Variants in DYM observed in about 807,000 individuals in gnomAD.
DYM encodes dyggve-Melchior-Clausen syndrome protein.
DYM carries 78 observed loss-of-function variants against 93.1 expected under a neutral mutation model. The ratio of observed to expected loss-of-function variants is 0.84; its 90% CI spans 0.70 to 1.01. DYM has a LOEUF of 1.01. DYM is among the 50% of genes least tolerant of loss of function. DYM has a pLI of 0.00. For missense variants in DYM, 789 were observed against 845.0 expected (o/e 0.93, Z 0.82); for synonymous variants, 321 against 319.7 (o/e 1.00, Z -0.04).
At chr18:49,457,575 G>C (rs544236034) in intron 1 of DYM, among the ~76,000 whole-genome samples, 2 of 152,226 alleles carry the variant, frequency 1.3e-5, no homozygotes, top group Non-Finnish European at 2.9e-5. Flanking sequence ...CTAAGTAAAA[G>C]ACGGCCCTCT....
intron 17 of DYM, among the ~76,000 whole-genome samples, chr18:49,082,989 A>G (rs954147961): frequency 2.0e-5 from 3 of 152,138 alleles, no homozygotes; most frequent in African/African-American, 7.2e-5. Flanking sequence ...GAGAATTTTT[A>G]TCATGAACAG....
At chr18:49,315,196 C>T (rs183058039) in intron 8 of DYM, among the ~76,000 whole-genome samples, 1 of 146,160 alleles carries the variant, frequency 6.8e-6, no homozygotes, top group Admixed American at 7.0e-5. Context: ...GCCTGGGTGA[C>T]AGAGCAAGAC....
At chr18:49,158,687 C>T (rs545494491) in intron 15 of DYM, among the ~76,000 whole-genome samples, 1 of 152,040 alleles carries the variant, frequency 6.6e-6, no homozygotes, top group Admixed American at 6.6e-5. Flanking sequence ...TAAGTAAGAA[C>T]GTGTGATGTT....
At chr18:49,383,621 C>T (rs528063553) in intron 3 of DYM, among the ~76,000 whole-genome samples, 1 of 152,210 alleles carries the variant, frequency 6.6e-6, no homozygotes, top group African/African-American at 2.4e-5. Context: ...GCAAACAATG[C>T]AGCTTCATGG....
intron 15 of DYM, among the ~76,000 whole-genome samples, chr18:49,144,431 T>C (rs1431822949): frequency 1.3e-5 from 2 of 152,222 alleles, no homozygotes; most frequent in Admixed American, 6.5e-5. Context: ...AATCTACTAA[T>C]TAGGGTTTGC....
chr18:49,415,266 G>A (rs1463084651), intron 2 of DYM, among the ~76,000 whole-genome samples: 12 of 139,926 alleles, frequency 8.6e-5, no homozygotes, highest in African/African-American at 3.0e-4. Flanking sequence ...GTTGCAGTAA[G>A]CTGAGATCAC....
chr18:49,065,593 C>G (rs2144740501), intron 17 of DYM, among the ~76,000 whole-genome samples: 1 of 152,200 alleles, frequency 6.6e-6, no homozygotes, highest in Middle Eastern at 3.4e-3. Context: ...AACTCCTGAC[C>G]TCAGGTGATC....
intron 10 of DYM, among the ~76,000 whole-genome samples, chr18:49,280,114 C>A (rs534114015): frequency 6.6e-6 from 1 of 152,312 alleles, no homozygotes; most frequent in South Asian, 2.1e-4. Flanking sequence ...TATCTACATA[C>A]TATGTATTTC....
chr18:49,068,816 C>CT (rs2076668591), intron 17 of DYM, among the ~76,000 whole-genome samples: 1 of 152,160 alleles, frequency 6.6e-6, no homozygotes, highest in South Asian at 2.1e-4. Context: ...TCCAAGCCAT[C>CT]TTTTTTATTC....
chr18:49,122,081 TATATC>T (rs1383799174), intron 15 of DYM, among the ~76,000 whole-genome samples: 1 of 152,168 alleles, frequency 6.6e-6, no homozygotes, highest in Non-Finnish European at 1.5e-5. Flanking sequence ...ACATGTAAAA[TATATC>T]ATAACATTCT....
chr18:49,402,409 G>A (rs992880407), intron 2 of DYM, among the ~76,000 whole-genome samples: 2 of 152,042 alleles, frequency 1.3e-5, no homozygotes, highest in African/African-American at 4.8e-5. Context: ...ACCATCCTGA[G>A]ATTTTTAGGG....
At chr18:49,348,162 AC>A (rs1177458998) in intron 6 of DYM, among the ~76,000 whole-genome samples, 6 of 152,344 alleles carry the variant, frequency 3.9e-5, no homozygotes, top group East Asian at 1.9e-4. Flanking sequence ...GAGGAAAAAA[AC>A]ATCCTCCTTT....
At chr18:49,287,100 T>C (rs1422941606) in intron 8 of DYM, among the ~76,000 whole-genome samples, 1 of 151,872 alleles carries the variant, frequency 6.6e-6, no homozygotes, top group Non-Finnish European at 1.5e-5. Context: ...GGCAAAAGAA[T>C]AGCTTGAACC....
intron 3 of DYM, among the ~76,000 whole-genome samples, chr18:49,387,243 G>A (rs2068720317): frequency 6.6e-6 from 1 of 151,736 alleles, no homozygotes. Context: ...GCATTTTACT[G>A]TTATATCTGT....
chr18:49,391,694 T>C (rs775507985), intron 2 of DYM, 49 bp from the exon 3 acceptor site: 3 of 1,456,616 alleles, frequency 2.1e-6, no homozygotes, highest in East Asian at 2.3e-5. Flanking sequence ...ATACTAAATA[T>C]GTACATGCTA....
chr18:49,360,853 G>C (rs1384252850), intron 6 of DYM, among the ~76,000 whole-genome samples: 1 of 152,168 alleles, frequency 6.6e-6, no homozygotes, highest in East Asian at 1.9e-4. Flanking sequence ...CAATGTAATA[G>C]TTTCATATTG....
chr18:49,373,689 A>T (rs1266026080), intron 5 of DYM, among the ~76,000 whole-genome samples: 2 of 152,164 alleles, frequency 1.3e-5, no homozygotes, highest in Non-Finnish European at 2.9e-5. Context: ...TTCAAGATGG[A>T]GTTGTTCTGG....
chr18:49,388,667 T>C (rs957101264), intron 3 of DYM, among the ~76,000 whole-genome samples: 2 of 148,886 alleles, frequency 1.3e-5, no homozygotes, highest in African/African-American at 2.6e-5. Flanking sequence ...AGCACATCAC[T>C]CTAAGGCTAC....
intron 16 of DYM, among the ~76,000 whole-genome samples, chr18:49,110,589 T>C (rs935391723): frequency 1.3e-5 from 2 of 152,192 alleles, no homozygotes; most frequent in African/African-American, 4.8e-5. Flanking sequence ...TTTGTTCCTC[T>C]GTATATAATG....
Sources: gnomAD v4.1 joint callset for allele counts (sites outside exome capture counted in the v4.1 genomes callset) on GRCh38, gnomAD v4.1.1 for gene constraint, MANE v1.5 for transcripts, NCBI Gene and HGNC (gene_info 2026-07-23, HGNC 2026-07-21) for gene names.